Variants in FAXDC2 observed in about 807,000 individuals in gnomAD.
The protein encoded by FAXDC2 is fatty acid hydroxylase domain containing 2.
Under a neutral mutation model 40.9 loss-of-function variants are expected in FAXDC2, and 41 were observed. The observed-to-expected ratio is 1.00, with a 90% CI of 0.78 to 1.30. The LOEUF (loss-of-function observed/expected upper bound fraction) is 1.30, where lower values mean the gene tolerates loss of function less well. FAXDC2 is among the 50% of genes most tolerant of loss of function. The probability of loss-of-function intolerance (pLI) is 0.00; values close to 1 mark genes in which losing one functional copy is unlikely to be tolerated. For synonymous variants in FAXDC2, 157 were observed against 149.3 expected (o/e 1.05, Z -0.38); for missense variants, 390 against 408.8 (o/e 0.95, Z 0.40).
At chr5:154,841,328 G>A (rs1472127061) in intron 1 of FAXDC2, among the ~76,000 whole-genome samples, 1 of 152,196 alleles carries the variant, frequency 6.6e-6, no homozygotes, top group African/African-American at 2.4e-5. Context: ...AGAGAAGTTA[G>A]TAGAGTGCAG....
At chr5:154,830,576 G>GA (rs1326315084) in intron 5 of FAXDC2, 2 of 450,388 alleles carry the variant, frequency 4.4e-6, no homozygotes, top group Non-Finnish European at 8.1e-6. Flanking sequence ...CCTGGGCCAG[G>GA]AATCAAGAGA....
chr5:154,822,493 A>T lies in FAXDC2; in HGVS notation c.657T>A (p.Tyr219Ter). The change falls in exon 7 of 9, where the codon TAT becomes TAA. Residue 219 changes from tyrosine (Y) to a stop codon, truncating the protein, a stop_gained. Transcript: ENST00000326080. LOFTEE classifies it high-confidence loss of function. ...TCACTGCATGCTCTATAGGGTGGGC[A>T]TAGAGAGAGATCACGCCAATGGGAG... Reference protein sequence around the residue: ...WTAPIGVISLYAHPIEHAVSN... With the variant: ...WTAPIGVISL 2 of 1,613,780 alleles carry T rather than the reference A, an allele frequency of 1.2e-6. No individual in the cohort carries two copies. The highest frequency in any genetic ancestry group is 1.7e-6 in the Non-Finnish European group (2 of 1,179,696).
intron 8 of FAXDC2, chr5:154,821,052 A>T (rs3867430): frequency 0.45 from 246,979 of 551,326 alleles, 61,160 homozygotes; most frequent in Middle Eastern, 0.54. Flanking sequence ...AGTCCAAATA[A>T]AGGTTTAAAA....
chr5:154,824,464 TCCTC>T lies in FAXDC2; in HGVS notation c.367-876_367-873del, dbSNP rs1344390981. On this transcript the variant is annotated intron_variant, in intron 5 of 8. Coordinates refer to ENST00000326080, the MANE Select transcript of FAXDC2 (RefSeq NM_032385.5). ...GGTCCCCAGCTTGAGGCCTGCCTCT[TCCTC>T]CAGCCTTTCCAGGCACTGCATGCAT... 1.7e-5 allele frequency: 12 copies of T among 702,396 alleles called. No individual in the cohort carries two copies. In the East Asian group the frequency reaches 3.2e-4, roughly 19 times the overall value. 43.5% of individuals were successfully genotyped at this position (702,396 alleles called of 1,614,324 possible).
chr5:154,821,048 A>G (rs1030441469), intron 8 of FAXDC2: 3 of 554,708 alleles, frequency 5.4e-6, no homozygotes, highest in Non-Finnish European at 6.5e-6. Context: ...CCAGAGTCCA[A>G]ATAAAGGTTT....
intron 2 of FAXDC2, chr5:154,836,033 G>C (rs1294985146): frequency 2.0e-5 from 3 of 151,824 alleles, no homozygotes; most frequent in Non-Finnish European, 4.4e-5. Context: ...TGGGATTACA[G>C]GCACCTGCCA....
intron 1 of FAXDC2, among the ~76,000 whole-genome samples, chr5:154,846,736 T>G (rs771298254): frequency 1.7e-4 from 26 of 152,128 alleles, no homozygotes; most frequent in Non-Finnish European, 2.9e-4. Flanking sequence ...AAAGTGAATT[T>G]GATATTCTAT....
At position 154,838,425 on chromosome 5, in the gene FAXDC2, C is replaced by A. The variant is rs554443805; in HGVS notation, c.1-247G>T. The A allele has an allele frequency of 8.1e-6, 4 of 491,660 alleles. No individual in the cohort carries two copies. The East Asian group carries it at 1.6e-4, about 19-fold the overall frequency. 30.5% of individuals were successfully genotyped at this position (491,660 alleles called of 1,614,324 possible). A position where few individuals can be genotyped will look rare whatever the true frequency, so the allele number is the denominator to read the frequency against. On this transcript the variant is annotated intron_variant, in intron 1 of 8. Transcript: ENST00000326080. ...GGAAGGGAGGGGGCTACTAGGTCTA[C>A]CAACTACAAAAAATGTATGATAATG...
intron 5 of FAXDC2, among the ~76,000 whole-genome samples, chr5:154,825,535 T>A (rs1341002306): frequency 1.3e-5 from 2 of 150,662 alleles, no homozygotes; most frequent in African/African-American, 4.9e-5. Flanking sequence ...TGTGCGCCTG[T>A]AATCCCAGCT....
chr5:154,827,026 C>T (rs984432614), intron 5 of FAXDC2, among the ~76,000 whole-genome samples: 9 of 152,054 alleles, frequency 5.9e-5, no homozygotes, highest in South Asian at 2.1e-4. Context: ...GACAGATGGC[C>T]GGGCGTGGTG....
chr5:154,842,526 T>TG, intron 1 of FAXDC2, among the ~76,000 whole-genome samples: 1 of 126,282 alleles, frequency 7.9e-6, no homozygotes, highest in Non-Finnish European at 1.7e-5. Flanking sequence ...TTTTTTTTTT[T>TG]TTTTTTTTTT....
At chr5:154,832,016 C>A (rs1178788982) in intron 4 of FAXDC2, among the ~76,000 whole-genome samples, 4 of 152,002 alleles carry the variant, frequency 2.6e-5, no homozygotes, top group African/African-American at 9.7e-5. Context: ...AAGATACCTA[C>A]AATCTATTCA....
intron 4 of FAXDC2, among the ~76,000 whole-genome samples, chr5:154,832,123 C>A (rs1468405944): frequency 6.6e-6 from 1 of 151,922 alleles, no homozygotes; most frequent in Admixed American, 6.6e-5. Flanking sequence ...GTGGTTATTT[C>A]TTGAAGGTAA....
intron 1 of FAXDC2, among the ~76,000 whole-genome samples, chr5:154,839,420 A>G (rs1299729306): frequency 6.6e-6 from 1 of 151,644 alleles, no homozygotes; most frequent in Admixed American, 6.6e-5. Flanking sequence ...AGGCAGGAGG[A>G]TCATTTGAGT....
intron 4 of FAXDC2, among the ~76,000 whole-genome samples, chr5:154,834,332 A>C (rs1345542235): frequency 6.6e-6 from 1 of 152,146 alleles, no homozygotes; most frequent in African/African-American, 2.4e-5. Context: ...TGTGGAATTA[A>C]GTGTAGAAAC....
chr5:154,846,218 G>A (rs1194187917), intron 1 of FAXDC2, among the ~76,000 whole-genome samples: 4 of 151,382 alleles, frequency 2.6e-5, no homozygotes, highest in African/African-American at 9.8e-5. Flanking sequence ...GATTGAAAGG[G>A]ACACAAAAGC....
chr5:154,820,302 A>C lies in FAXDC2; in HGVS notation c.*14T>G. 1 of 1,592,630 alleles carries C rather than the reference A, an allele frequency of 6.3e-7. No individual in the cohort carries two copies. The highest frequency in any genetic ancestry group is 1.1e-5 in the South Asian group (1 of 86,976). ...ATGGCTGAGGGACAGCCAGGATGACACTTAGGCTGTCTCTCACTCCATCCT... is the reference window on the plus strand; with the variant it reads ...ATGGCTGAGGGACAGCCAGGATGACCCTTAGGCTGTCTCTCACTCCATCCT... On this transcript the variant is annotated 3_prime_UTR_variant, in exon 9 of 9. Transcript: ENST00000326080.
rs984871975 is a variant in FAXDC2 at position 154,842,830 on chromosome 5, C to CT, written c.1-4653dup. ...CAGGTGTGAGCCACTGCACCCGGCCCTTTTTTTTTAAAAAAAAATAGAGAT... is the reference window on the plus strand; with the variant it reads ...CAGGTGTGAGCCACTGCACCCGGCCCTTTTTTTTTTAAAAAAAAATAGAGAT... On this transcript the variant is annotated intron_variant, in intron 1 of 8. Transcript: ENST00000326080. Among the ~76,000 whole-genome samples, 292 of 148,092 alleles carry CT rather than the reference C, an allele frequency of 2.0e-3. 1 individual carries two copies. The highest frequency in any genetic ancestry group is 3.0e-3 in the Non-Finnish European group (198 of 66,738).
rs764838746 is a variant in FAXDC2 at position 154,830,883 on chromosome 5, T to C, written c.284A>G (p.Asn95Ser). The change falls in exon 5 of 9, where the codon AAT (asparagine) becomes AGT (serine). Residue 95 changes from asparagine (N) to serine (S), a missense_variant. Coordinates refer to ENST00000326080, the MANE Select transcript of FAXDC2 (RefSeq NM_032385.5). Reference protein sequence around the residue: ...QVPCLFFWSFNGLLLVVDTTG... With the variant: ...QVPCLFFWSFSGLLLVVDTTG... ...TGTGTCAACCACCAATAGAAGCCCATTGAAGCTCCAGAAGAAGAGACAAGG... is the reference window on the plus strand; with the variant it reads ...TGTGTCAACCACCAATAGAAGCCCACTGAAGCTCCAGAAGAAGAGACAAGG... The C allele has an allele frequency of 1.1e-5, 17 of 1,614,032 alleles. No homozygotes were observed. The highest frequency in any genetic ancestry group is 6.7e-5 in the East Asian group (3 of 44,894).
Sources: allele counts gnomAD v4.1 joint callset (sites outside exome capture counted in the v4.1 genomes callset), GRCh38; gene constraint gnomAD v4.1.1; transcripts MANE v1.5; gene names NCBI Gene and HGNC (gene_info 2026-07-23, HGNC 2026-07-21).